Variants in HIVEP3 observed in about 807,000 individuals in gnomAD.
The protein encoded by HIVEP3 is HIVEP zinc finger 3.
A neutral mutation model predicts 152.8 loss-of-function variants in HIVEP3; 49 were observed. The ratio of observed to expected loss-of-function variants is 0.32; its 90% CI spans 0.26 to 0.41. HIVEP3 has a LOEUF of 0.41. Ranked by LOEUF, HIVEP3 falls within the 10% of genes least tolerant of loss-of-function variation. HIVEP3 has a pLI of 1.00. For missense variants in HIVEP3, 2,790 were observed against 3,103.3 expected (o/e 0.90, Z 2.40); for synonymous variants, 1,269 against 1,289.0 (o/e 0.98, Z 0.33).
chr1:41,764,251 C>G (rs184526073), intron 1 of HIVEP3, among the ~76,000 whole-genome samples: 2 of 152,164 alleles, frequency 1.3e-5, no homozygotes, highest in East Asian at 3.9e-4. Context: ...TGTTTGGAGA[C>G]TTTTAATCTA....
At chr1:41,605,326 C>G (rs1570082872) in intron 3 of HIVEP3, among the ~76,000 whole-genome samples, 1 of 150,940 alleles carries the variant, frequency 6.6e-6, no homozygotes. Context: ...TACAATTGTT[C>G]CACATCTTGA....
intron 1 of HIVEP3, among the ~76,000 whole-genome samples, chr1:42,005,349 A>G (rs986389166): frequency 6.6e-6 from 1 of 152,126 alleles, no homozygotes; most frequent in Non-Finnish European, 1.5e-5. Flanking sequence ...ACACATACAT[A>G]TATATGTATA....
At chr1:41,645,608 A>G (rs1570205679) in intron 2 of HIVEP3, among the ~76,000 whole-genome samples, 1 of 152,198 alleles carries the variant, frequency 6.6e-6, no homozygotes, top group Non-Finnish European at 1.5e-5. Flanking sequence ...AACTAATTGC[A>G]TAATTACTTA....
At chr1:41,948,409 A>G (rs10890171) in intron 1 of HIVEP3, among the ~76,000 whole-genome samples, 83,314 of 152,014 alleles carry the variant, frequency 0.55, 22,957 homozygotes, top group East Asian at 0.71. Flanking sequence ...CCTATCAAAC[A>G]TCAGGAAGCC....
At chr1:41,831,460 T>C (rs1351599502) in intron 1 of HIVEP3, among the ~76,000 whole-genome samples, 1 of 152,254 alleles carries the variant, frequency 6.6e-6, no homozygotes, top group Admixed American at 6.5e-5. Context: ...CTACATTCTA[T>C]GGGAATCATA....
chr1:41,544,931 CACCACCACCACCACT>C (rs1643680256), intron 5 of HIVEP3, among the ~76,000 whole-genome samples: 2 of 41,432 alleles, frequency 4.8e-5, no homozygotes, highest in Non-Finnish European at 1.0e-4. Flanking sequence ...CCACCACCAT[CACCACCACCACCACT>C]ACCACCTCTA....
chr1:41,719,480 C>T (rs1260390041), intron 1 of HIVEP3, among the ~76,000 whole-genome samples: 1 of 152,218 alleles, frequency 6.6e-6, no homozygotes, highest in Non-Finnish European at 1.5e-5. Context: ...AGTGAGTTTT[C>T]CTTCCCTTGG....
At position 41,509,673 on chromosome 1, in the gene HIVEP3, T is replaced by C. The variant is rs1487080364; in HGVS notation, c.*778A>G. The C allele has an allele frequency of 6.6e-6, 1 of 151,108 alleles. No homozygotes were observed. The highest frequency in any genetic ancestry group is 1.9e-4 in the East Asian group (1 of 5,146). The allele number at this position is 151,108 out of a possible 1,614,324, so 9.4% of individuals were successfully genotyped here. ...CTGGAGTGGGGGTGCGTGGGTGGGG[T>C]GGCCTGCCCACCTGTGGAGTGCCAG... On this transcript the variant is annotated 3_prime_UTR_variant, in exon 9 of 9. Transcript: ENST00000372583.
intron 2 of HIVEP3, among the ~76,000 whole-genome samples, chr1:41,633,817 C>A (rs1385887518): frequency 6.6e-6 from 1 of 152,186 alleles, no homozygotes; most frequent in Non-Finnish European, 1.5e-5. Flanking sequence ...TTGCCTCCTT[C>A]CTCCCAGACA....
At chr1:41,742,536 C>T (rs144536909) in intron 1 of HIVEP3, among the ~76,000 whole-genome samples, 15 of 152,336 alleles carry the variant, frequency 9.8e-5, no homozygotes, top group African/African-American at 3.4e-4. Context: ...CTATCTTTCT[C>T]GTGAATACTT....
intron 2 of HIVEP3, among the ~76,000 whole-genome samples, chr1:41,693,947 G>A (rs1241560695): frequency 3.3e-5 from 5 of 152,042 alleles, no homozygotes; most frequent in Non-Finnish European, 5.9e-5. Flanking sequence ...CAATCCTCAC[G>A]TACACTGATA....
At chr1:41,973,418 T>C (rs1368265253) in intron 1 of HIVEP3, among the ~76,000 whole-genome samples, 1 of 152,194 alleles carries the variant, frequency 6.6e-6, no homozygotes, top group African/African-American at 2.4e-5. Flanking sequence ...TCCAAGACCA[T>C]TCAGTGGTTG....
At chr1:41,672,424 T>C (rs1645891593) in intron 2 of HIVEP3, among the ~76,000 whole-genome samples, 1 of 152,220 alleles carries the variant, frequency 6.6e-6, no homozygotes, top group South Asian at 2.1e-4. Context: ...TTCTCTGCCC[T>C]GGGGCTGTTA....
At chr1:41,838,555 G>C (rs376131806) in intron 1 of HIVEP3, among the ~76,000 whole-genome samples, 1 of 152,024 alleles carries the variant, frequency 6.6e-6, no homozygotes, top group African/African-American at 2.4e-5. Flanking sequence ...CCCATAAATG[G>C]CACCCTGATT....
At chr1:41,957,396 A>G (rs1233666061) in intron 1 of HIVEP3, among the ~76,000 whole-genome samples, 1 of 152,250 alleles carries the variant, frequency 6.6e-6, no homozygotes, top group African/African-American at 2.4e-5. Flanking sequence ...GTCAGTAAAT[A>G]GAAAACTATT....
chr1:41,654,239 G>T (rs1645597082), intron 2 of HIVEP3, among the ~76,000 whole-genome samples: 2 of 152,170 alleles, frequency 1.3e-5, no homozygotes, highest in African/African-American at 2.4e-5. Flanking sequence ...AAATTCACGT[G>T]GGGGCAGTCC....
intron 1 of HIVEP3, among the ~76,000 whole-genome samples, chr1:41,988,468 A>G (rs1023010481): frequency 6.6e-6 from 1 of 152,202 alleles, no homozygotes; most frequent in African/African-American, 2.4e-5. Flanking sequence ...TGTGAAAAAT[A>G]CTCATCACTA....
At chr1:41,979,298 T>A (rs1400632044) in intron 1 of HIVEP3, among the ~76,000 whole-genome samples, 1 of 152,202 alleles carries the variant, frequency 6.6e-6, no homozygotes, top group Non-Finnish European at 1.5e-5. Flanking sequence ...ACAGCAGCAA[T>A]CTGTTTCTTC....
At chr1:41,818,269 A>G (rs967191446) in intron 1 of HIVEP3, among the ~76,000 whole-genome samples, 1 of 152,154 alleles carries the variant, frequency 6.6e-6, no homozygotes, top group Admixed American at 6.5e-5. Context: ...ACAACAAAAT[A>G]CTAATAAACT....
Sources: gnomAD v4.1 joint callset for allele counts (sites outside exome capture counted in the v4.1 genomes callset) on GRCh38, gnomAD v4.1.1 for gene constraint, MANE v1.5 for transcripts, NCBI Gene and HGNC (gene_info 2026-07-23, HGNC 2026-07-21) for gene names.